Variants in NKAIN2 observed in about 807,000 individuals in gnomAD.
NKAIN2 encodes the protein sodium/potassium-transporting ATPase subunit beta-1-interacting protein 2.
NKAIN2 carries 14 observed loss-of-function variants against 32.6 expected under a neutral mutation model. The observed-to-expected ratio is 0.43, with a 90% CI of 0.28 to 0.67. The LOEUF (loss-of-function observed/expected upper bound fraction) is 0.67. Ranked by LOEUF, NKAIN2 falls within the 30% of genes least tolerant of loss-of-function variation. The pLI, the probability that NKAIN2 is intolerant of heterozygous loss-of-function variation, is 0.17. For synonymous variants in NKAIN2, 80 were observed against 87.2 expected (o/e 0.92, Z 0.46); for missense variants, 198 against 258.3 (o/e 0.77, Z 1.60).
intron 3 of NKAIN2, among the ~76,000 whole-genome samples, chr6:124,594,060 G>A (rs375524243): frequency 5.9e-5 from 9 of 152,182 alleles, no homozygotes; most frequent in East Asian, 3.9e-4. Context: ...ATGTGAAGGA[G>A]GAGAGGAGAG....
chr6:124,763,346 T>C (rs1243118362), intron 4 of NKAIN2, among the ~76,000 whole-genome samples: 1 of 152,216 alleles, frequency 6.6e-6, no homozygotes, highest in Non-Finnish European at 1.5e-5. Context: ...ACAGGAAGCA[T>C]AGCAGCTTCT....
At chr6:124,053,864 C>T (rs567991048) in intron 1 of NKAIN2, among the ~76,000 whole-genome samples, 1 of 151,918 alleles carries the variant, frequency 6.6e-6, no homozygotes, top group South Asian at 2.1e-4. Context: ...CATTGTGTTA[C>T]AATTGTTACC....
chr6:124,391,034 T>C (rs1234260935), intron 3 of NKAIN2: 1 of 152,178 alleles, frequency 6.6e-6, no homozygotes. Context: ...ATACAATATC[T>C]TTGAAAGAAA....
intron 4 of NKAIN2, among the ~76,000 whole-genome samples, chr6:124,710,364 A>G (rs1192539000): frequency 2.0e-5 from 3 of 151,868 alleles, no homozygotes; most frequent in Non-Finnish European, 2.9e-5. Flanking sequence ...TGCAGAGCTG[A>G]GTTCAATTCC....
intron 3 of NKAIN2, among the ~76,000 whole-genome samples, chr6:124,499,087 TA>T (rs968278760): frequency 6.6e-6 from 1 of 152,114 alleles, no homozygotes; most frequent in Non-Finnish European, 1.5e-5. Flanking sequence ...ATCTTTTCCG[TA>T]AACTACCTGT....
chr6:123,976,459 T>A (rs1778645107), intron 1 of NKAIN2, among the ~76,000 whole-genome samples: 1 of 140,862 alleles, frequency 7.1e-6, no homozygotes. Context: ...CTCATGTGAT[T>A]GTGGGGACTA....
intron 1 of NKAIN2, among the ~76,000 whole-genome samples, chr6:124,119,752 A>G (rs1484617750): frequency 6.6e-6 from 1 of 152,148 alleles, no homozygotes; most frequent in Non-Finnish European, 1.5e-5. Context: ...AGTCCATGTG[A>G]GCAAGGCATG....
chr6:124,106,365 G>A (rs1228875093), intron 1 of NKAIN2, among the ~76,000 whole-genome samples: 1 of 151,984 alleles, frequency 6.6e-6, no homozygotes, highest in Middle Eastern at 3.2e-3. Context: ...TGATTTTTTT[G>A]TTATTACTGT....
chr6:124,514,429 T>G (rs1778829192), intron 3 of NKAIN2, among the ~76,000 whole-genome samples: 1 of 152,180 alleles, frequency 6.6e-6, no homozygotes, highest in Admixed American at 6.5e-5. Flanking sequence ...AATTAAAGCA[T>G]CTGGACGTTT....
chr6:123,835,455 A>G (rs1479042150), intron 1 of NKAIN2, among the ~76,000 whole-genome samples: 2 of 152,178 alleles, frequency 1.3e-5, no homozygotes, highest in Non-Finnish European at 2.9e-5. Flanking sequence ...AGTAAAGGTT[A>G]TTTATGTTTT....
At chr6:124,537,504 T>A (rs777799774) in intron 3 of NKAIN2, among the ~76,000 whole-genome samples, 11 of 152,196 alleles carry the variant, frequency 7.2e-5, no homozygotes, top group Non-Finnish European at 1.5e-4. Flanking sequence ...CATATTTACT[T>A]TATTGTTTGC....
In NKAIN2 at chr6:124,010,298, C is replaced by G. The variant is rs909330359; in HGVS notation, c.54+206044C>G. Among the ~76,000 whole-genome samples the G allele has an allele frequency of 2.0e-5, 3 of 152,004 alleles. 1 individual carries two copies. Among genetic ancestry groups the G allele is most frequent in the Admixed American group, 2.0e-4 (3 of 15,216 alleles). The stretch of plus-strand genomic sequence containing the variant: ...ATTTTTTAACTGATAAGGGTCTACA[C>G]TACTCTTGATACTGGTGGTCAAAGT... On this transcript the variant is annotated intron_variant, in intron 1 of 6. Coordinates refer to ENST00000368417, the MANE Select transcript of NKAIN2 (RefSeq NM_001040214.3).
chr6:124,445,222 A>G (rs1775840700), intron 3 of NKAIN2, among the ~76,000 whole-genome samples: 1 of 152,098 alleles, frequency 6.6e-6, no homozygotes, highest in African/African-American at 2.4e-5. Flanking sequence ...AATACTTCCT[A>G]AGGAAAGGAT....
intron 1 of NKAIN2, among the ~76,000 whole-genome samples, chr6:124,246,724 G>C (rs1231713886): frequency 6.6e-6 from 1 of 152,040 alleles, no homozygotes; most frequent in African/African-American, 2.4e-5. Flanking sequence ...TTTCAGCACT[G>C]ATTCTCTCAA....
intron 1 of NKAIN2, among the ~76,000 whole-genome samples, chr6:124,187,740 C>T (rs958120922): frequency 8.5e-5 from 13 of 152,086 alleles, no homozygotes; most frequent in African/African-American, 2.9e-4. Context: ...TATGTCCACG[C>T]AACTCTCTAT....
intron 2 of NKAIN2, among the ~76,000 whole-genome samples, chr6:124,298,051 A>G (rs116375027): frequency 0.014 from 2,095 of 152,258 alleles, 57 homozygotes; most frequent in African/African-American, 0.048. Flanking sequence ...CTCAAATGTT[A>G]TCTATTATGT....
chr6:123,973,980 A>G (rs1198540601), intron 1 of NKAIN2, among the ~76,000 whole-genome samples: 1 of 152,184 alleles, frequency 6.6e-6, no homozygotes, highest in Non-Finnish European at 1.5e-5. Flanking sequence ...GGAATTTTGT[A>G]TATAATGGCT....
At chr6:123,985,823 C>G (rs1368144817) in intron 1 of NKAIN2, among the ~76,000 whole-genome samples, 2 of 151,942 alleles carry the variant, frequency 1.3e-5, no homozygotes, top group Non-Finnish European at 2.9e-5. Flanking sequence ...TTCACTGAAA[C>G]TAGAAAGAGA....
chr6:124,640,869 C>T (rs1783959701), intron 3 of NKAIN2, among the ~76,000 whole-genome samples: 1 of 152,068 alleles, frequency 6.6e-6, no homozygotes, highest in South Asian at 2.1e-4. Context: ...CTCCTTCCCT[C>T]TCATCCTTCC....
Sources: gnomAD v4.1 joint callset for allele counts (sites outside exome capture counted in the v4.1 genomes callset) on GRCh38, gnomAD v4.1.1 for gene constraint, MANE v1.5 for transcripts, NCBI Gene and HGNC (gene_info 2026-07-23, HGNC 2026-07-21) for gene names.